The following CDH11 variants were observed in gnomAD, a reference collection of about 807,000 sequenced individuals.
CDH11 encodes cadherin 11.
In CDH11, 11 loss-of-function variants were observed where a neutral mutation model predicts 67.8. The ratio of observed to expected loss-of-function variants is 0.16; its 90% confidence interval spans 0.10 to 0.27. The LOEUF (loss-of-function observed/expected upper bound fraction) is 0.27, where lower values mean the gene tolerates loss of function less well. CDH11 is among the 10% of genes least tolerant of loss of function. The probability of loss-of-function intolerance (pLI) is 1.00; values close to 1 mark genes in which losing one functional copy is unlikely to be tolerated. For missense variants in CDH11, 847 were observed against 1,031.2 expected, an observed-to-expected ratio of 0.82 and a Z score of 2.45; for synonymous variants, 419 against 400.0, an observed-to-expected ratio of 1.05 and a Z score of -0.57.
chr16:65,095,935 C>A (rs1359774830), intron 1 of CDH11, among the ~76,000 whole-genome samples: 2 of 152,124 alleles, frequency 1.3e-5, no homozygotes, highest in African/African-American at 4.8e-5. Flanking sequence ...TGAGATGGTG[C>A]CATCTATGAG....
At chr16:64,998,220 T>C (rs2072824537) in intron 4 of CDH11, among the ~76,000 whole-genome samples, 1 of 152,186 alleles carries the variant, frequency 6.6e-6, no homozygotes, top group African/African-American at 2.4e-5. Context: ...TGAGTTGGAA[T>C]TACCTCATTG....
At chr16:65,066,566 G>C (rs146875085) in intron 1 of CDH11, among the ~76,000 whole-genome samples, 3 of 152,338 alleles carry the variant, frequency 2.0e-5, no homozygotes, top group Admixed American at 2.0e-4. Flanking sequence ...ATAAAACAGA[G>C]AGGGGATCAT....
At chr16:65,106,670 C>T (rs190123451) in intron 1 of CDH11, among the ~76,000 whole-genome samples, 2 of 152,082 alleles carry the variant, frequency 1.3e-5, no homozygotes, top group African/African-American at 4.8e-5. Flanking sequence ...TTTCAACAAC[C>T]CTTCAAAACA....
chr16:65,033,237 A>AACACACACACACACACACAC (rs57645922), intron 2 of CDH11, among the ~76,000 whole-genome samples: 10 of 139,518 alleles, frequency 7.2e-5, no homozygotes, highest in South Asian at 2.4e-4. Context: ...AAACTAGGAA[A>AACACACACACACACACACAC]ACACACACAC....
chr16:64,966,271 A>C (rs192612346), intron 11 of CDH11, among the ~76,000 whole-genome samples: 3 of 152,238 alleles, frequency 2.0e-5, no homozygotes, highest in Admixed American at 2.0e-4. Context: ...ATGGTTTTGG[A>C]CAGGAAAAGT....
intron 6 of CDH11, chr16:64,991,436 G>T: frequency 4.0e-6 from 1 of 248,252 alleles, no homozygotes. Context: ...GTTATATCCA[G>T]GTTAGAAATG....
intron 1 of CDH11, among the ~76,000 whole-genome samples, chr16:65,079,997 TA>T (rs1404750450): frequency 3.3e-5 from 5 of 152,222 alleles, no homozygotes. Context: ...AATGCAGACT[TA>T]GTGTCAAAAT....
At chr16:65,114,104 A>G (rs981684412) in intron 1 of CDH11, among the ~76,000 whole-genome samples, 7 of 152,166 alleles carry the variant, frequency 4.6e-5, no homozygotes, top group African/African-American at 1.7e-4. Context: ...AGTGCTTTTA[A>G]TGACTAGAGT....
intron 1 of CDH11, among the ~76,000 whole-genome samples, chr16:65,082,408 T>A (rs1056795170): frequency 6.6e-6 from 1 of 152,188 alleles, no homozygotes; most frequent in Non-Finnish European, 1.5e-5. Flanking sequence ...TCTGAGCATA[T>A]GTGAGGCTTA....
chr16:64,969,407 T>G (rs1331310942), intron 11 of CDH11, among the ~76,000 whole-genome samples: 1 of 152,152 alleles, frequency 6.6e-6, no homozygotes, highest in African/African-American at 2.4e-5. Flanking sequence ...CAGTGTAAGT[T>G]GAGAATTGCA....
At chr16:65,088,692 T>G (rs2074742684) in intron 1 of CDH11, among the ~76,000 whole-genome samples, 1 of 152,280 alleles carries the variant, frequency 6.6e-6, no homozygotes, top group South Asian at 2.1e-4. Flanking sequence ...AAGGTAAAAT[T>G]TACGTACTGT....
intron 1 of CDH11, among the ~76,000 whole-genome samples, chr16:65,116,293 A>G (rs2142895109): frequency 6.6e-6 from 1 of 152,324 alleles, no homozygotes; most frequent in Non-Finnish European, 1.5e-5. Flanking sequence ...CTAAATTCTC[A>G]CTGTTTGCTC....
At chr16:65,030,156 A>G (rs2073614029) in intron 2 of CDH11, among the ~76,000 whole-genome samples, 1 of 152,198 alleles carries the variant, frequency 6.6e-6, no homozygotes, top group Admixed American at 6.5e-5. Flanking sequence ...AGCATCCTAT[A>G]TCACAATGTG....
chr16:64,954,739 G>A (rs2071459380), intron 11 of CDH11, among the ~76,000 whole-genome samples: 4 of 152,114 alleles, frequency 2.6e-5, no homozygotes, highest in African/African-American at 7.2e-5. Flanking sequence ...TCTCTCAGAA[G>A]TGGCATTTCT....
At chr16:65,036,685 T>C (rs1354654661) in intron 2 of CDH11, among the ~76,000 whole-genome samples, 2 of 152,100 alleles carry the variant, frequency 1.3e-5, no homozygotes, top group African/African-American at 2.4e-5. Flanking sequence ...ACAGACCTAT[T>C]GCCATTTCTA....
At chr16:65,037,932 G>A (rs1159578966) in intron 2 of CDH11, among the ~76,000 whole-genome samples, 1 of 152,110 alleles carries the variant, frequency 6.6e-6, no homozygotes, top group Non-Finnish European at 1.5e-5. Context: ...CCTCTGATGA[G>A]GGGAGAAAGC....
At chr16:64,998,026 TA>T (rs2072817572) in intron 4 of CDH11, among the ~76,000 whole-genome samples, 2 of 152,190 alleles carry the variant, frequency 1.3e-5, no homozygotes, top group Admixed American at 6.5e-5. Context: ...ATAAATCCTT[TA>T]AAAAATTATC....
At chr16:65,050,127 C>T (rs1245217130) in intron 2 of CDH11, among the ~76,000 whole-genome samples, 1 of 152,210 alleles carries the variant, frequency 6.6e-6, no homozygotes, top group Non-Finnish European at 1.5e-5. Flanking sequence ...ATCTCTTCCA[C>T]TTCTCCAAGA....
intron 11 of CDH11, among the ~76,000 whole-genome samples, chr16:64,970,593 T>C (rs11647164): frequency 0.31 from 46,553 of 152,028 alleles, 7,657 homozygotes; most frequent in South Asian, 0.5. Flanking sequence ...ACACAGCAAC[T>C]GGTATTTATG....
Sources: allele counts gnomAD v4.1 joint callset (sites outside exome capture counted in the v4.1 genomes callset), GRCh38; gene constraint gnomAD v4.1.1; transcripts MANE v1.5; gene names NCBI Gene and HGNC (gene_info 2026-07-23, HGNC 2026-07-21).